Variants in INTS11 observed in about 807,000 individuals in gnomAD.
INTS11 encodes integrator complex subunit 11.
In INTS11, 77 loss-of-function variants were observed where a neutral mutation model predicts 78.6. That is an observed-to-expected ratio of 0.98 (90% confidence interval 0.81 to 1.18). INTS11 has a LOEUF of 1.18. INTS11 is among the 50% of genes most tolerant of loss of function. The pLI, the probability that INTS11 is intolerant of heterozygous loss-of-function variation, is 0.00. For synonymous variants in INTS11, 441 were observed against 326.9 expected (o/e 1.35, Z -3.77); for missense variants, 875 against 825.9 (o/e 1.06, Z -0.73).
intron 2 of INTS11, 178 bp from the exon 3 acceptor site, chr1:1,320,707 G>C (rs771083880): frequency 1.9e-5 from 14 of 748,030 alleles, no homozygotes; most frequent in Non-Finnish European, 3.1e-5. Flanking sequence ...CGGAGGGGCC[G>C]AGGTTACCCC....
At position 1,314,192 on chromosome 1, in the gene INTS11, G is replaced by A; in HGVS notation, c.767+109C>T. On this transcript the variant is annotated intron_variant, in intron 8 of 16. Coordinates refer to ENST00000435064, the MANE Select transcript of INTS11 (RefSeq NM_017871.6). The surrounding 1 kb of genome is among the most constrained non-coding windows in gnomAD (Gnocchi z 4.2). ...ACACGAGCGGCCCCCCAGGACAGCA[G>A]CAAGCAGGGCCAAGATGCCACCGCT... 5 of 1,093,832 alleles carry A rather than the reference G, an allele frequency of 4.6e-6. No individual in the cohort carries two copies. The highest frequency in any genetic ancestry group is 6.8e-6 in the Non-Finnish European group (5 of 731,868). The allele number at this position is 1,093,832 out of a possible 1,614,324, so 67.8% of individuals were successfully genotyped here. A position where few individuals can be genotyped will look rare whatever the true frequency, so the allele number is the denominator to read the frequency against.
At chr1:1,320,387 AC>A in intron 3 of INTS11, 68 bp downstream of exon 3, 1 of 1,488,608 alleles carries the variant, frequency 6.7e-7, no homozygotes, top group Non-Finnish European at 9.4e-7. Flanking sequence ...CGCTGCCGAG[AC>A]CAAGCAAGGT....
At chr1:1,318,210 C>T (rs1557639593) in intron 4 of INTS11, among the ~76,000 whole-genome samples, 1 of 152,118 alleles carries the variant, frequency 6.6e-6, no homozygotes, top group African/African-American at 2.4e-5. Context: ...CCAGCAGACC[C>T]ACACTCATAT....
intron 1 of INTS11, among the ~76,000 whole-genome samples, chr1:1,322,153 C>T (rs910428021): frequency 1.3e-5 from 2 of 152,058 alleles, no homozygotes; most frequent in Non-Finnish European, 2.9e-5. Context: ...GGAGGGCCGC[C>T]CCTCTTCATG....
At position 1,313,345 on chromosome 1, in the gene INTS11, G is replaced by A. The variant is rs571545534; in HGVS notation, c.1041+164C>T. On this transcript the variant is annotated intron_variant, in intron 10 of 16. Coordinates refer to ENST00000435064, the MANE Select transcript of INTS11 (RefSeq NM_017871.6). ...CGAGGTGGACAAGCTGTGTCACAGAGACTGAGCAGCTCCAGGCGGACATCG... is the reference window on the plus strand; with the variant it reads ...CGAGGTGGACAAGCTGTGTCACAGAAACTGAGCAGCTCCAGGCGGACATCG... The A allele has an allele frequency of 5.3e-5, 48 of 907,998 alleles. No homozygotes were observed. The East Asian group carries it at 1.1e-3, about 21-fold the overall frequency. The allele number at this position is 907,998 out of a possible 1,614,324, so 56.2% of individuals were successfully genotyped here.
Position 1,314,334 on chromosome 1 carries a change from G to A in INTS11, c.734C>T (p.Ala245Val). 1 of 1,607,104 alleles carries A rather than the reference G, an allele frequency of 6.2e-7. No individual in the cohort carries two copies. Among genetic ancestry groups the A allele is most frequent in the Non-Finnish European group, 8.5e-7 (1 of 1,177,676 alleles). Residue 245 changes from alanine to valine, a missense_variant, in exon 8 of 17, where the codon GCC (alanine) becomes GTC (valine). Coordinates refer to ENST00000435064, the MANE Select transcript of INTS11 (RefSeq NM_017871.6). The surrounding 1 kb of genome is among the most constrained non-coding windows in gnomAD (Gnocchi z 4.2). Reference sequence around the variant, plus strand: ...CTCCAGGAGGATGCAGAGCTCCTGGGCGCGGCCCAGCGCGAACACAGGTAT... The same window carrying A: ...CTCCAGGAGGATGCAGAGCTCCTGGACGCGGCCCAGCGCGAACACAGGTAT... Reference protein sequence around the residue: ...VLIPVFALGRAQELCILLETF... With the variant: ...VLIPVFALGRVQELCILLETF...
intron 3 of INTS11, chr1:1,319,741 G>A (rs991706143): frequency 1.4e-5 from 8 of 570,730 alleles, no homozygotes; most frequent in South Asian, 6.6e-5. Context: ...AATTGAACAC[G>A]TCGGTGACGG....
At chr1:1,324,448 C>G in intron 1 of INTS11, 133 bp downstream of exon 1, 1 of 897,964 alleles carries the variant, frequency 1.1e-6, no homozygotes, top group South Asian at 1.7e-5. Context: ...CCAGGGCCCG[C>G]GCGGGGAGGA....
In INTS11 at chr1:1,315,447, CG is replaced by C; in HGVS notation, c.529-10del. Reference sequence around the variant, plus strand: ...GTCATGTTATAATCACCCTGGTGAACGATCAAGGATGCCATGAGGAGGGTGC... The same window carrying C: ...GTCATGTTATAATCACCCTGGTGAACATCAAGGATGCCATGAGGAGGGTGC... On this transcript the variant is annotated splice_polypyrimidine_tract_variant and intron_variant, in intron 5 of 16. Coordinates refer to ENST00000435064, the MANE Select transcript of INTS11 (RefSeq NM_017871.6). 6.2e-7 allele frequency: 1 copy of C among 1,613,124 alleles called. No homozygotes were observed. The highest frequency in any genetic ancestry group is 8.5e-7 in the Non-Finnish European group (1 of 1,179,894).
At chr1:1,319,714 G>A in intron 3 of INTS11, 190 bp from the exon 4 acceptor site, 2 of 580,150 alleles carry the variant, frequency 3.4e-6, no homozygotes, top group South Asian at 4.4e-5. Flanking sequence ...GTCTAGCAAG[G>A]CAATAAGCAA....
rs369557926 is a variant in INTS11 at position 1,312,550 on chromosome 1, G to A, written c.1402+43C>T. On this transcript the variant is annotated intron_variant, in intron 13 of 16. Transcript: ENST00000435064. ...ATCAATGTGAGGGCCGCTCCCAGCC[G>A]CCTGCCCCGAGCACCCTGCCCTGCC... is the stretch of plus-strand genomic sequence containing the variant. 1.0e-3 allele frequency: 1,657 copies of A among 1,579,616 alleles called. 14 individuals are homozygous for A. Among genetic ancestry groups the A allele is most frequent in the South Asian group, 9.2e-3 (801 of 87,366 alleles).
intron 4 of INTS11, 104 bp downstream of exon 4, chr1:1,319,192 A>AC: frequency 9.6e-7 from 1 of 1,045,356 alleles, no homozygotes; most frequent in South Asian, 1.3e-5. Context: ...GGGTGGGCTC[A>AC]CCCTGAGGCC....
At position 1,315,610 on chromosome 1, in the gene INTS11, A is replaced by G. The variant is rs1245700029; in HGVS notation, c.438T>C (p.Asp146=). Residue 146 remains aspartate, a synonymous_variant, in exon 5 of 17, where the codon GAT becomes GAC. Transcript: ENST00000435064. ...VHLHQTVQVD[D]ELEIKAYYAG... is the part of the protein sequence containing the mutation. Reference sequence around the variant, plus strand: ...CATAGTAGGCCTTGATCTCCAGCTCATCATCTACCTGTGGAGGACAGGGCT... The same window carrying G: ...CATAGTAGGCCTTGATCTCCAGCTCGTCATCTACCTGTGGAGGACAGGGCT... 4.4e-6 allele frequency: 7 copies of G among 1,606,780 alleles called. No individual in the cohort carries two copies. In the African/African-American group the frequency reaches 9.5e-5, roughly 22 times the overall value.
At position 1,311,792 on chromosome 1, in the gene INTS11, G is replaced by A. The variant is rs1032426480; in HGVS notation, c.*67C>T. ...GTTCACCCAGGGCACCCACAGTCCTGAAGTGCAGGCCCAGGGTCTGTCCAG... is the reference window on the plus strand; with the variant it reads ...GTTCACCCAGGGCACCCACAGTCCTAAAGTGCAGGCCCAGGGTCTGTCCAG... On this transcript the variant is annotated 3_prime_UTR_variant, in exon 17 of 17. Coordinates refer to ENST00000435064, the MANE Select transcript of INTS11 (RefSeq NM_017871.6). 4 of 1,478,412 alleles carry A rather than the reference G, an allele frequency of 2.7e-6. No individual in the cohort carries two copies. In the African/African-American group the frequency reaches 4.3e-5, roughly 16 times the overall value. The allele number at this position is 1,478,412 out of a possible 1,614,324, so 91.6% of individuals were successfully genotyped here. A position where few individuals can be genotyped will look rare whatever the true frequency, so the allele number is the denominator to read the frequency against.
At chr1:1,316,148 A>C in intron 4 of INTS11, 1 of 193,910 alleles carries the variant, frequency 5.2e-6, no homozygotes, top group Non-Finnish European at 1.1e-5. Flanking sequence ...CAGGTGTGGA[A>C]GTGCGTGCCT....
In INTS11 at chr1:1,314,403, C is replaced by A; in HGVS notation, c.703-38G>T. On this transcript the variant is annotated intron_variant, in intron 7 of 16. Transcript: ENST00000435064. The surrounding 1 kb of genome is among the most constrained non-coding windows in gnomAD (Gnocchi z 4.2). ...CAAGGCAGGAGCCCTGGGCACATGGCCCCTCGACACAGCAGGCAGCGTCCA... is the reference window on the plus strand; with the variant it reads ...CAAGGCAGGAGCCCTGGGCACATGGACCCTCGACACAGCAGGCAGCGTCCA... 1 of 1,565,754 alleles carries A rather than the reference C, an allele frequency of 6.4e-7. No homozygotes were observed. Among genetic ancestry groups the A allele is most frequent in the Non-Finnish European group, 8.7e-7 (1 of 1,149,476 alleles).
chr1:1,313,353 A>C (rs1451045830), intron 10 of INTS11, 156 bp downstream of exon 10: 1 of 920,056 alleles, frequency 1.1e-6, no homozygotes, highest in Non-Finnish European at 1.7e-6. Context: ...GAGACTGAGC[A>C]GCTCCAGGCG....
Position 1,313,974 on chromosome 1 carries a change from G to C in INTS11, c.768-53C>G, listed in dbSNP as rs111545740. 1.7e-4 allele frequency: 266 copies of C among 1,562,086 alleles called. 3 individuals carry two copies. In the African/African-American group the frequency reaches 3.1e-3, roughly 18 times the overall value. The stretch of plus-strand genomic sequence containing the variant: ...GTGGCCACAGGGGAGAATGCTGCAG[G>C]GCAGGACTCGGCCGGGTCACCCCCA... On this transcript the variant is annotated intron_variant, in intron 8 of 16. Transcript: ENST00000435064.
In INTS11 at chr1:1,313,095, G is replaced by A; in HGVS notation, c.1071C>T (p.Gly357=). ...MVIMPGYCVQ[G]TVGHKILSGQ... Reference sequence around the variant, plus strand: ...CGCTGAGGATCTTGTGGCCGACGGTGCCCTGCACGCAGTAGCCGGGCATGA... The same window carrying A: ...CGCTGAGGATCTTGTGGCCGACGGTACCCTGCACGCAGTAGCCGGGCATGA... The change falls in exon 11 of 17, where the codon GGC becomes GGT. Residue 357 remains glycine, a synonymous_variant. Transcript: ENST00000435064. The A allele has an allele frequency of 6.2e-7, 1 of 1,608,874 alleles. No individual in the cohort carries two copies. The highest frequency in any genetic ancestry group is 8.5e-7 in the Non-Finnish European group (1 of 1,179,778).
Sources: allele counts gnomAD v4.1 joint callset (sites outside exome capture counted in the v4.1 genomes callset), GRCh38; gene constraint gnomAD v4.1.1; non-coding constraint Gnocchi (gnomAD v3.1); transcripts MANE v1.5; gene names NCBI Gene and HGNC (gene_info 2026-07-23, HGNC 2026-07-21).